The following ADAMTS3 variants were observed in gnomAD, a reference collection of about 807,000 sequenced individuals.
ADAMTS3 encodes the protein ADAM metallopeptidase with thrombospondin type 1 motif 3.
ADAMTS3 carries 73 observed loss-of-function variants against 129.0 expected under a neutral mutation model. The observed-to-expected ratio is 0.57, with a 90% CI of 0.47 to 0.69. The LOEUF (loss-of-function observed/expected upper bound fraction) is 0.69, where lower values mean the gene tolerates loss of function less well. Among genes scored for constraint, ADAMTS3 ranks in the 30% least tolerant of loss-of-function variants. The pLI is 0.00. For synonymous variants in ADAMTS3, 477 were observed against 510.8 expected (o/e 0.93, Z 0.89); for missense variants, 1,457 against 1,514.5 (o/e 0.96, Z 0.63).
chr4:72,546,449 TA>T (rs34020308), intron 3 of ADAMTS3, among the ~76,000 whole-genome samples: 83,142 of 148,920 alleles, frequency 0.56, 23,299 homozygotes, highest in African/African-American at 0.61. Flanking sequence ...TTACAAATGT[TA>T]AAAAAAAAAA....
intron 4 of ADAMTS3, among the ~76,000 whole-genome samples, chr4:72,397,304 A>G (rs1287951367): frequency 6.6e-6 from 1 of 152,034 alleles, no homozygotes; most frequent in Non-Finnish European, 1.5e-5. Flanking sequence ...AGTGGCTCAC[A>G]CCGTAATCCT....
chr4:72,466,077 T>C (rs1718909959), intron 3 of ADAMTS3, among the ~76,000 whole-genome samples: 1 of 152,020 alleles, frequency 6.6e-6, no homozygotes, highest in Non-Finnish European at 1.5e-5. Flanking sequence ...TAATGTCCTA[T>C]CAATAAAAAG....
At chr4:72,545,381 T>C (rs751796498) in intron 3 of ADAMTS3, among the ~76,000 whole-genome samples, 8 of 152,084 alleles carry the variant, frequency 5.3e-5, no homozygotes, top group Non-Finnish European at 1.2e-4. Context: ...CATACAACAC[T>C]AGGTACATTC....
At chr4:72,437,797 T>A (rs1023918244) in intron 3 of ADAMTS3, among the ~76,000 whole-genome samples, 2 of 151,912 alleles carry the variant, frequency 1.3e-5, no homozygotes, top group African/African-American at 4.8e-5. Flanking sequence ...CTTTCTGATC[T>A]CAAAACTGCT....
chr4:72,537,797 A>C (rs1721219420), intron 3 of ADAMTS3, among the ~76,000 whole-genome samples: 1 of 152,230 alleles, frequency 6.6e-6, no homozygotes, highest in African/African-American at 2.4e-5. Context: ...TACGGTTCCT[A>C]AACAAGACCT....
At chr4:72,486,588 A>G (rs1293141780) in intron 3 of ADAMTS3, among the ~76,000 whole-genome samples, 1 of 152,214 alleles carries the variant, frequency 6.6e-6, no homozygotes, top group African/African-American at 2.4e-5. Context: ...TCCAAATGCT[A>G]GAAAAATCAA....
intron 4 of ADAMTS3, among the ~76,000 whole-genome samples, chr4:72,402,080 T>C (rs1721939404): frequency 6.6e-6 from 1 of 152,202 alleles, no homozygotes; most frequent in African/African-American, 2.4e-5. Flanking sequence ...TTATTGATAA[T>C]AATATTTTCA....
chr4:72,450,060 C>T (rs777274104), intron 3 of ADAMTS3, among the ~76,000 whole-genome samples: 94 of 151,696 alleles, frequency 6.2e-4, no homozygotes, highest in Non-Finnish European at 2.7e-4. Flanking sequence ...CTTTGCCATG[C>T]TGTCCTACCA....
chr4:72,540,919 C>T (rs1721305973), intron 3 of ADAMTS3, among the ~76,000 whole-genome samples: 2 of 152,224 alleles, frequency 1.3e-5, no homozygotes, highest in South Asian at 2.1e-4. Flanking sequence ...TCTGCTAGGG[C>T]AGTGCAGAAG....
At chr4:72,445,806 C>A (rs1474226720) in intron 3 of ADAMTS3, among the ~76,000 whole-genome samples, 1 of 151,578 alleles carries the variant, frequency 6.6e-6, no homozygotes, top group Non-Finnish European at 1.5e-5. Flanking sequence ...ATGGCAAATG[C>A]TTTTGCTTGT....
At chr4:72,467,283 T>C (rs907812029) in intron 3 of ADAMTS3, among the ~76,000 whole-genome samples, 2 of 152,078 alleles carry the variant, frequency 1.3e-5, no homozygotes, top group African/African-American at 4.8e-5. Flanking sequence ...CCCCAAAATC[T>C]GCTGATCACT....
chr4:72,484,833 T>C (rs931601608), intron 3 of ADAMTS3, among the ~76,000 whole-genome samples: 1 of 152,170 alleles, frequency 6.6e-6, no homozygotes, highest in Admixed American at 6.5e-5. Flanking sequence ...TAGATCACTC[T>C]TGGGAATAGA....
intron 4 of ADAMTS3, among the ~76,000 whole-genome samples, chr4:72,362,955 A>G (rs897456989): frequency 5.3e-5 from 8 of 152,108 alleles, no homozygotes; most frequent in Non-Finnish European, 7.4e-5. Context: ...AATTTTTTTC[A>G]AAAGTAGTCT....
rs373554424 is a variant in ADAMTS3, at chr4:72,349,976, A to G, written c.662-10283T>C. On this transcript the variant is annotated intron_variant, in intron 4 of 21. Coordinates refer to ENST00000286657, the MANE Select transcript of ADAMTS3 (RefSeq NM_014243.3). ...CATACACAGTTAACATATTTAAGCC[A>G]CAGTAATTATTGCAGATTTAAGATA... 4.2e-3 allele frequency among the ~76,000 whole-genome samples: 642 copies of G among 152,164 alleles called. 1 individual carries two copies. The highest frequency in any genetic ancestry group is 5.1e-3 in the Non-Finnish European group (346 of 67,948).
At chr4:72,387,445 TA>T (rs2109887885) in intron 4 of ADAMTS3, among the ~76,000 whole-genome samples, 1 of 152,332 alleles carries the variant, frequency 6.6e-6, no homozygotes, top group South Asian at 2.1e-4. Context: ...CAAAAATTCT[TA>T]AATGGTAAAT....
chr4:72,479,995 A>T (rs1719381177), intron 3 of ADAMTS3, among the ~76,000 whole-genome samples: 1 of 152,180 alleles, frequency 6.6e-6, no homozygotes, highest in East Asian at 1.9e-4. Flanking sequence ...CCACAATGAG[A>T]TACCATCTCA....
chr4:72,381,230 A>G (rs1170893949), intron 4 of ADAMTS3, among the ~76,000 whole-genome samples: 1 of 152,198 alleles, frequency 6.6e-6, no homozygotes, highest in Non-Finnish European at 1.5e-5. Flanking sequence ...ATTTAATAGT[A>G]TAGTAAAAAG....
At chr4:72,541,175 A>G (rs1229064038) in intron 3 of ADAMTS3, among the ~76,000 whole-genome samples, 5 of 152,208 alleles carry the variant, frequency 3.3e-5, no homozygotes, top group South Asian at 2.1e-4. Context: ...CTCTTACATC[A>G]GCATGACCCA....
At chr4:72,381,532 C>G (rs1329667776) in intron 4 of ADAMTS3, among the ~76,000 whole-genome samples, 1 of 152,124 alleles carries the variant, frequency 6.6e-6, no homozygotes, top group Non-Finnish European at 1.5e-5. Context: ...ATGCCTGCTC[C>G]TAACGTATTT....
Sources: allele counts gnomAD v4.1 joint callset (sites outside exome capture counted in the v4.1 genomes callset), GRCh38; gene constraint gnomAD v4.1.1; transcripts MANE v1.5; gene names NCBI Gene and HGNC (gene_info 2026-07-23, HGNC 2026-07-21).